NUMB: variants seen among roughly 807,000 people sequenced by gnomAD.
NUMB encodes protein numb homolog.
NUMB carries 29 observed loss-of-function variants against 59.7 expected under a neutral mutation model. The observed-to-expected ratio is 0.49, with a 90% CI of 0.36 to 0.66. The LOEUF (loss-of-function observed/expected upper bound fraction) is 0.66. NUMB is among the 30% of genes least tolerant of loss of function. NUMB has a pLI of 0.00. For missense variants in NUMB, 723 were observed against 822.0 expected, an observed-to-expected ratio of 0.88 and a Z score of 1.47; for synonymous variants, 288 against 288.2, an observed-to-expected ratio of 1.00 and a Z score of 0.01.
chr14:73,326,479 T>C (rs1891669326), intron 4 of NUMB, among the ~76,000 whole-genome samples: 1 of 151,664 alleles, frequency 6.6e-6, no homozygotes, highest in African/African-American at 2.4e-5. Flanking sequence ...ATACAAAAAT[T>C]AGCCAGGCAT....
intron 4 of NUMB, among the ~76,000 whole-genome samples, chr14:73,323,707 G>A (rs1891522115): frequency 6.6e-6 from 1 of 152,096 alleles, no homozygotes; most frequent in Non-Finnish European, 1.5e-5. Flanking sequence ...TCCTTTTATG[G>A]GGAGCATATA....
chr14:73,350,678 T>C (rs1294473598), intron 4 of NUMB, among the ~76,000 whole-genome samples: 3 of 146,770 alleles, frequency 2.0e-5, no homozygotes, highest in African/African-American at 7.6e-5. Context: ...ATGACAGGTG[T>C]GTACTACCAC....
intron 1 of NUMB, among the ~76,000 whole-genome samples, chr14:73,417,145 C>T (rs2140144261): frequency 6.6e-6 from 1 of 152,032 alleles, no homozygotes; most frequent in African/African-American, 2.4e-5. Context: ...TGCTGAGAGC[C>T]ACTTCCATCA....
chr14:73,297,915 G>A (rs918899877), intron 6 of NUMB: 2 of 151,574 alleles, frequency 1.3e-5, no homozygotes, highest in Non-Finnish European at 2.9e-5. Flanking sequence ...TTGAGACAGA[G>A]TCTCACTCTG....
chr14:73,411,331 A>C (rs1404727341), intron 1 of NUMB, among the ~76,000 whole-genome samples: 1 of 139,712 alleles, frequency 7.2e-6, no homozygotes, highest in Non-Finnish European at 1.5e-5. Flanking sequence ...AGGATGAGTT[A>C]ATTATAACCT....
rs573392631 is a variant in NUMB, at chr14:73,440,286, T to C, written c.-233+18207A>G. 4.0e-5 allele frequency among the ~76,000 whole-genome samples: 6 copies of C among 151,244 alleles called. No individual in the cohort carries two copies. In the South Asian group the frequency reaches 8.4e-4, roughly 21 times the overall value. ...ATAGATATCCATATATATATACACA[T>C]CCATATATCTATAGATATCCATATA... On this transcript the variant is annotated intron_variant, in intron 1 of 12. Transcript: ENST00000555238.
chr14:73,369,841 A>T (rs1471340770), intron 2 of NUMB, among the ~76,000 whole-genome samples: 1 of 152,204 alleles, frequency 6.6e-6, no homozygotes, highest in Admixed American at 6.5e-5. Context: ...ACAGAACATT[A>T]GTAGCATCCT....
At chr14:73,317,513 G>T (rs1416915639) in intron 5 of NUMB, among the ~76,000 whole-genome samples, 1 of 152,164 alleles carries the variant, frequency 6.6e-6, no homozygotes, top group Non-Finnish European at 1.5e-5. Flanking sequence ...TGTTGGCCAG[G>T]CTGGTCTCGA....
chr14:73,449,221 G>A (rs780523211), intron 1 of NUMB, among the ~76,000 whole-genome samples: 56 of 151,866 alleles, frequency 3.7e-4, no homozygotes, highest in Non-Finnish European at 6.8e-4. Flanking sequence ...CAAAGTATAC[G>A]GGAGAATGTG....
chr14:73,281,794 G>C (rs2139802782), intron 11 of NUMB, among the ~76,000 whole-genome samples: 1 of 152,264 alleles, frequency 6.6e-6, no homozygotes, highest in Middle Eastern at 3.4e-3. Flanking sequence ...GGTGAGTCCA[G>C]GGCTTCTCAA....
intron 6 of NUMB, among the ~76,000 whole-genome samples, chr14:73,312,656 G>A (rs1652116942): frequency 6.6e-6 from 1 of 150,690 alleles, no homozygotes; most frequent in African/African-American, 2.5e-5. Flanking sequence ...TGAGGCTGCA[G>A]TGAGCCATCA....
intron 6 of NUMB, among the ~76,000 whole-genome samples, chr14:73,313,191 T>C (rs1890875098): frequency 6.6e-6 from 1 of 152,078 alleles, no homozygotes; most frequent in African/African-American, 2.4e-5. Flanking sequence ...GATTTCACCC[T>C]GTTGGTCAGG....
chr14:73,393,729 T>G (rs1454043871), intron 2 of NUMB, among the ~76,000 whole-genome samples: 1 of 152,260 alleles, frequency 6.6e-6, no homozygotes, highest in Non-Finnish European at 1.5e-5. Flanking sequence ...TTGTGAATTC[T>G]GGCTCCTAAT....
At chr14:73,309,087 T>C (rs1890622155) in intron 6 of NUMB, among the ~76,000 whole-genome samples, 1 of 152,092 alleles carries the variant, frequency 6.6e-6, no homozygotes. Context: ...GGGGGTAGCA[T>C]TGCCAGAATA....
intron 6 of NUMB, among the ~76,000 whole-genome samples, chr14:73,306,961 G>A (rs1890471671): frequency 6.6e-6 from 1 of 152,192 alleles, no homozygotes; most frequent in Admixed American, 6.5e-5. Flanking sequence ...GTGAGGAAGA[G>A]ATAAGCAAGT....
At chr14:73,395,057 G>A (rs1025815920) in intron 2 of NUMB, among the ~76,000 whole-genome samples, 49 of 138,676 alleles carry the variant, frequency 3.5e-4, no homozygotes, top group African/African-American at 1.4e-3. Flanking sequence ...GTGTGTGTGT[G>A]TGTGTGTGTG....
intron 4 of NUMB, among the ~76,000 whole-genome samples, chr14:73,327,257 G>T (rs769197428): frequency 1.4e-4 from 21 of 151,860 alleles, no homozygotes; most frequent in African/African-American, 1.9e-4. Flanking sequence ...ACTTGGAAGA[G>T]AATTATTATT....
At chr14:73,341,629 C>T (rs917378833) in intron 4 of NUMB, among the ~76,000 whole-genome samples, 2 of 152,028 alleles carry the variant, frequency 1.3e-5, no homozygotes, top group African/African-American at 4.8e-5. Flanking sequence ...GATCACAGAC[C>T]CCTATAGCCT....
intron 4 of NUMB, among the ~76,000 whole-genome samples, chr14:73,351,088 C>T (rs1284010404): frequency 6.6e-6 from 1 of 152,146 alleles, no homozygotes; most frequent in Non-Finnish European, 1.5e-5. Context: ...GTGACAGGTA[C>T]ACTAAAAGCC....
Sources: gnomAD v4.1 joint callset for allele counts (sites outside exome capture counted in the v4.1 genomes callset) on GRCh38, gnomAD v4.1.1 for gene constraint, MANE v1.5 for transcripts, NCBI Gene and HGNC (gene_info 2026-07-23, HGNC 2026-07-21) for gene names.